Variants in TPST1 observed in about 807,000 individuals in gnomAD.
TPST1 encodes the protein tyrosylprotein sulfotransferase 1.
In TPST1, 20 loss-of-function variants were observed where a neutral mutation model predicts 34.8. The observed-to-expected ratio is 0.57, with a 90% confidence interval of 0.40 to 0.84. The LOEUF (loss-of-function observed/expected upper bound fraction) is 0.84. Among genes scored for constraint, TPST1 ranks in the 40% least tolerant of loss-of-function variants. TPST1 has a pLI of 0.00. For synonymous variants in TPST1, 152 were observed against 159.4 expected (o/e 0.95, Z 0.35); for missense variants, 353 against 455.5 (o/e 0.78, Z 2.05).
At chr7:66,302,406 C>A (rs1054003651) in intron 3 of TPST1, among the ~76,000 whole-genome samples, 1 of 152,168 alleles carries the variant, frequency 6.6e-6, no homozygotes, top group South Asian at 2.1e-4. Context: ...AACCCAAGCA[C>A]CACACAGCAT....
At position 66,332,217 on chromosome 7, in the gene TPST1, CAAGT is replaced by C. The variant is rs1425185287; in HGVS notation, c.1045-20285_1045-20282del. On this transcript the variant is annotated intron_variant, in intron 3 of 5. Coordinates refer to ENST00000304842, the MANE Select transcript of TPST1 (RefSeq NM_003596.4). The surrounding 1 kb of genome is among the most constrained non-coding windows in gnomAD (Gnocchi z 4.5). The stretch of plus-strand genomic sequence containing the variant: ...TATAGAGAATTGGATCTGCGGTCTA[CAAGT>C]AATGTTAATGACATTTATTTTAAGT... 1.3e-5 allele frequency among the ~76,000 whole-genome samples: 2 copies of C among 151,752 alleles called. No individual in the cohort carries two copies. The highest frequency in any genetic ancestry group is 4.8e-5 in the African/African-American group (2 of 41,306).
At chr7:66,265,561 A>G (rs551559435) in intron 2 of TPST1, among the ~76,000 whole-genome samples, 2 of 152,050 alleles carry the variant, frequency 1.3e-5, no homozygotes, top group African/African-American at 4.8e-5. Context: ...AAAAAAAAAA[A>G]AAGAAAAAAG....
intron 2 of TPST1, among the ~76,000 whole-genome samples, chr7:66,282,316 A>G (rs964322578): frequency 2.0e-5 from 3 of 152,162 alleles, no homozygotes; most frequent in African/African-American, 7.2e-5. Flanking sequence ...AGGGCCAGAT[A>G]TTTTTAGCTT....
chr7:66,339,391 C>G (rs1792188115), intron 3 of TPST1, among the ~76,000 whole-genome samples: 1 of 152,122 alleles, frequency 6.6e-6, no homozygotes, highest in African/African-American at 2.4e-5. Flanking sequence ...AGCCCAGGAC[C>G]TGTTGCTTCA....
At chr7:66,328,045 A>G (rs1791908587) in intron 3 of TPST1, among the ~76,000 whole-genome samples, 1 of 74,744 alleles carries the variant, frequency 1.3e-5, no homozygotes, top group Non-Finnish European at 2.4e-5. Flanking sequence ...TTTTTGAGAC[A>G]GAGTCTTGCT....
intron 2 of TPST1, among the ~76,000 whole-genome samples, chr7:66,257,800 A>T (rs1041140237): frequency 2.6e-5 from 4 of 152,082 alleles, no homozygotes; most frequent in African/African-American, 9.7e-5. Context: ...AGTCGCGAGG[A>T]CCTATTAGGC....
At chr7:66,310,035 G>A (rs547119857) in intron 3 of TPST1, among the ~76,000 whole-genome samples, 6 of 152,160 alleles carry the variant, frequency 3.9e-5, no homozygotes, top group Admixed American at 2.6e-4. Flanking sequence ...AGGAAGAGAA[G>A]ACCACCTTTG....
chr7:66,240,253 T>C (rs1044856890), intron 1 of TPST1, 72 bp from the exon 2 acceptor site: 11 of 742,866 alleles, frequency 1.5e-5, no homozygotes, highest in Admixed American at 3.0e-5. Context: ...TAAAATGCAG[T>C]GGTGATAACT....
intron 1 of TPST1, among the ~76,000 whole-genome samples, chr7:66,229,397 A>G (rs1789731312): frequency 6.6e-6 from 1 of 152,226 alleles, no homozygotes; most frequent in African/African-American, 2.4e-5. Flanking sequence ...GGCATGAGCC[A>G]CCGCACCCGG....
chr7:66,234,400 T>TACACACACACAGACACAC lies in TPST1; in HGVS notation c.-101-5914_-101-5913insGACACACACACACACACA, dbSNP rs561856939. Among the ~76,000 whole-genome samples, 454 of 142,948 alleles carry TACACACACACAGACACAC rather than the reference T, an allele frequency of 3.2e-3. 1 individual carries two copies. The highest frequency in any genetic ancestry group is 0.011 in the African/African-American group (421 of 38,764). The allele number at this position is 142,948 out of a possible 152,430, so 93.8% of individuals were successfully genotyped here. ...CAAGCTTGAAAAATAAAAGCATGGC[T>TACACACACACAGACACAC]ACACACACACACACACACACACACA... On this transcript the variant is annotated intron_variant, in intron 1 of 5. Coordinates refer to ENST00000304842, the MANE Select transcript of TPST1 (RefSeq NM_003596.4).
Position 66,240,960 on chromosome 7 carries a change from T to C in TPST1, c.535T>C (p.Phe179Leu). The change falls in exon 2 of 6, where the codon TTT becomes CTT. Residue 179 changes from phenylalanine (F) to leucine (L), a missense_variant. Coordinates refer to ENST00000304842, the MANE Select transcript of TPST1 (RefSeq NM_003596.4). ...TTCTAGGTTATTCCCCAATGCCAAA[T>C]TTCTCCTGATGGTCCGAGATGGCCG... ...YLSRLFPNAKFLLMVRDGRAS... is the reference protein window; with the variant it reads ...YLSRLFPNAKLLLMVRDGRAS... The C allele has an allele frequency of 6.2e-7, 1 of 1,614,194 alleles. No individual in the cohort carries two copies. The highest frequency in any genetic ancestry group is 8.5e-7 in the Non-Finnish European group (1 of 1,180,038).
intron 3 of TPST1, among the ~76,000 whole-genome samples, chr7:66,315,604 C>G (rs539370305): frequency 6.6e-6 from 1 of 152,122 alleles, no homozygotes; most frequent in Non-Finnish European, 1.5e-5. Flanking sequence ...TGTGACAAGA[C>G]AAGAAAAAGA....
chr7:66,343,120 A>G (rs1792272994), intron 3 of TPST1, among the ~76,000 whole-genome samples: 1 of 152,050 alleles, frequency 6.6e-6, no homozygotes, highest in African/African-American at 2.4e-5. Context: ...TCACCACCAC[A>G]CCAATCAGTC....
intron 1 of TPST1, among the ~76,000 whole-genome samples, chr7:66,209,755 A>G (rs759171317): frequency 1.8e-4 from 28 of 151,970 alleles, no homozygotes; most frequent in Admixed American, 7.2e-4. Flanking sequence ...TGAAATCAGG[A>G]TGGGTTTTGA....
At chr7:66,261,808 C>T (rs1008643858) in intron 2 of TPST1, among the ~76,000 whole-genome samples, 1 of 152,122 alleles carries the variant, frequency 6.6e-6, no homozygotes, top group South Asian at 2.1e-4. Context: ...ATGGCATTTA[C>T]GTCATAGGGT....
chr7:66,304,250 C>G (rs142267048), intron 3 of TPST1, among the ~76,000 whole-genome samples: 235 of 152,260 alleles, frequency 1.5e-3, no homozygotes, highest in African/African-American at 5.4e-3. Flanking sequence ...ACCTGCAGCT[C>G]TAGAGAGGGC....
chr7:66,339,833 TAAAA>T (rs71526540), intron 3 of TPST1, among the ~76,000 whole-genome samples: 4 of 112,488 alleles, frequency 3.6e-5, no homozygotes, highest in African/African-American at 6.8e-5. Context: ...CCCCTCAACC[TAAAA>T]AAAAAAAAAA....
At chr7:66,320,639 C>T (rs748662622) in intron 3 of TPST1, among the ~76,000 whole-genome samples, 3 of 151,794 alleles carry the variant, frequency 2.0e-5, no homozygotes, top group Non-Finnish European at 2.9e-5. Flanking sequence ...ACTCTTGTTG[C>T]CCAGGCTGGA....
chr7:66,201,381 CAAAAAA>C (rs138553925), upstream of TPST1, among the ~76,000 whole-genome samples: 3 of 73,528 alleles, frequency 4.1e-5, no homozygotes, highest in Admixed American at 3.2e-4. Context: ...CCATCTCTAC[CAAAAAA>C]AAAAAAAAAA....
Sources: gnomAD v4.1 joint callset for allele counts (sites outside exome capture counted in the v4.1 genomes callset) on GRCh38, gnomAD v4.1.1 for gene constraint, Gnocchi (gnomAD v3.1) non-coding constraint, MANE v1.5 for transcripts, NCBI Gene and HGNC (gene_info 2026-07-23, HGNC 2026-07-21) for gene names.